Variants in C12orf76 observed in about 807,000 individuals in gnomAD.
C12orf76 encodes uncharacterized protein C12orf76.
In C12orf76, 6 loss-of-function variants were observed where a neutral mutation model predicts 6.8. The ratio of observed to expected loss-of-function variants is 0.88; its 90% CI spans 0.48 to 1.73. The LOEUF (loss-of-function observed/expected upper bound fraction) is 1.73, where lower values mean the gene tolerates loss of function less well. Among genes scored for constraint, C12orf76 ranks in the 40% most tolerant of loss-of-function variants. C12orf76 has a pLI of 0.01. For missense variants in C12orf76, 99 were observed against 98.2 expected (o/e 1.01, Z -0.03); for synonymous variants, 56 against 43.7 (o/e 1.28, Z -1.11).
chr12:110,064,184 A>C (rs1278847749), intron 2 of C12orf76, among the ~76,000 whole-genome samples: 1 of 152,228 alleles, frequency 6.6e-6, no homozygotes, highest in Admixed American at 6.5e-5. Context: ...GTCAAAGGGC[A>C]ATACTTCCCT....
chr12:110,058,245 A>G (rs1892707751), intron 3 of C12orf76, among the ~76,000 whole-genome samples: 1 of 152,206 alleles, frequency 6.6e-6, no homozygotes, highest in Middle Eastern at 3.4e-3. Context: ...GTAACTTGCT[A>G]TTTTTACTCA....
At chr12:110,065,657 C>T (rs1176760303) in intron 2 of C12orf76, among the ~76,000 whole-genome samples, 1 of 152,180 alleles carries the variant, frequency 6.6e-6, no homozygotes, top group African/African-American at 2.4e-5. Context: ...CTCCAGCAAC[C>T]TTCTCACTGG....
At chr12:110,057,294 C>A (rs751621623) in exon 4 of C12orf76, 15 of 1,607,964 alleles carry the variant, frequency 9.3e-6, no homozygotes, top group African/African-American at 1.3e-5. Flanking sequence ...CCCCTTACAG[C>A]TCCTAAGGTT....
upstream of C12orf76, chr12:110,051,227 C>A (rs192120331): frequency 1.4e-4 from 109 of 766,664 alleles, no homozygotes; most frequent in African/African-American, 1.5e-3. Flanking sequence ...GGGAGGCAGG[C>A]TCTGCAGGCC....
chr12:110,066,613 G>A (rs1414523865), intron 1 of C12orf76, among the ~76,000 whole-genome samples: 3 of 151,906 alleles, frequency 2.0e-5, no homozygotes, highest in Admixed American at 6.6e-5. Flanking sequence ...GCTTGAACCC[G>A]GGAGGCGGAG....
At chr12:110,073,382 C>A (rs746565736) in intron 1 of C12orf76, 2 of 512,132 alleles carry the variant, frequency 3.9e-6, no homozygotes, top group Non-Finnish European at 7.9e-6. Context: ...GTGCTGTCAA[C>A]CACTGCAGAG....
intron 3 of C12orf76, among the ~76,000 whole-genome samples, chr12:110,058,757 G>T (rs1892720348): frequency 6.6e-6 from 1 of 152,310 alleles, no homozygotes; most frequent in Non-Finnish European, 1.5e-5. Context: ...AAGCTAAGAG[G>T]TACATTGTGA....
At position 110,042,368 on chromosome 12, in the gene C12orf76, T is replaced by C. The variant is rs1438787407; in HGVS notation, c.*6A>G. ...CCAAATACTCATTGAAGAACTTGTC[T>C]GGCTGTCACCGACGCCGAATGGGCT... On this transcript the variant is annotated 3_prime_UTR_variant, in exon 2 of 2. Transcript: ENST00000615315. 5.0e-6 allele frequency: 8 copies of C among 1,612,190 alleles called. No homozygotes were observed. The highest frequency in any genetic ancestry group is 6.8e-6 in the Non-Finnish European group (8 of 1,178,352).
intron 4 of C12orf76, chr12:110,056,829 C>T (rs1276608589): frequency 5.1e-6 from 1 of 196,354 alleles, no homozygotes; most frequent in Non-Finnish European, 1.1e-5. Context: ...CACTTGTTGC[C>T]TGCCACCACG....
intron 2 of C12orf76, among the ~76,000 whole-genome samples, chr12:110,060,471 C>T (rs1168340476): frequency 6.6e-6 from 1 of 152,166 alleles, no homozygotes; most frequent in Non-Finnish European, 1.5e-5. Context: ...CTGGAACTCT[C>T]AGCACCAGTT....
upstream of C12orf76, chr12:110,051,111 A>G: frequency 1.3e-6 from 1 of 780,816 alleles, no homozygotes; most frequent in Non-Finnish European, 2.4e-6. Flanking sequence ...TGCTGTGCAC[A>G]GAACTGATGA....
upstream of C12orf76, among the ~76,000 whole-genome samples, chr12:110,071,846 C>T (rs74524311): frequency 2.2e-3 from 332 of 152,304 alleles, 1 homozygote; most frequent in African/African-American, 7.3e-3. Context: ...CTGGACCCCT[C>T]ATACTCTGCT....
At chr12:110,052,042 G>A (rs1220862453), upstream of C12orf76, among the ~76,000 whole-genome samples, 3 of 148,052 alleles carry the variant, frequency 2.0e-5, no homozygotes, top group African/African-American at 7.5e-5. Context: ...ACAGGTGCCC[G>A]CCACCACGCC....
chr12:110,073,123 A>T (rs1335627783), intron 1 of C12orf76, among the ~76,000 whole-genome samples: 1 of 152,106 alleles, frequency 6.6e-6, no homozygotes, highest in Non-Finnish European at 1.5e-5. Flanking sequence ...CTGGGAATCC[A>T]GGATGTTGCC....
chr12:110,066,141 G>A (rs997271424), intron 1 of C12orf76: 8 of 1,334,496 alleles, frequency 6.0e-6, no homozygotes, highest in Non-Finnish European at 6.8e-6. Flanking sequence ...GGAGGCCGAG[G>A]CAGGCGGATC....
At chr12:110,068,329 A>AAGG (rs1555253432), upstream of C12orf76, among the ~76,000 whole-genome samples, 413 of 127,176 alleles carry the variant, frequency 3.2e-3, 9 homozygotes, top group African/African-American at 0.011. Context: ...GAAGAAGAAG[A>AAGG]AGGCGGCCAA....
upstream of C12orf76, chr12:110,048,824 AT>A: frequency 1.2e-5 from 3 of 258,168 alleles, no homozygotes; most frequent in Non-Finnish European, 2.0e-5. Flanking sequence ...CCTATTGAAG[AT>A]TTTTTACGAA....
upstream of C12orf76, among the ~76,000 whole-genome samples, chr12:110,069,171 T>G (rs575377062): frequency 1.1e-3 from 167 of 152,326 alleles, 1 homozygote; most frequent in South Asian, 0.014. Flanking sequence ...CCAGGCACGG[T>G]GCCTCACGCC....
chr12:110,062,231 TC>T (rs1309426326), intron 2 of C12orf76, among the ~76,000 whole-genome samples: 4 of 152,160 alleles, frequency 2.6e-5, no homozygotes, highest in Non-Finnish European at 5.9e-5. Flanking sequence ...GCCACTCCAC[TC>T]CAGCCTGAGT....
Sources: allele counts gnomAD v4.1 joint callset (sites outside exome capture counted in the v4.1 genomes callset), GRCh38; gene constraint gnomAD v4.1.1; transcripts MANE v1.5; gene names NCBI Gene and HGNC (gene_info 2026-07-23, HGNC 2026-07-21).